The following WDR72 variants were observed in gnomAD, a reference collection of about 807,000 sequenced individuals.
WDR72 encodes WD repeat-containing protein 72.
In WDR72, 120 loss-of-function variants were observed where a neutral mutation model predicts 124.2. The ratio of observed to expected loss-of-function variants is 0.97; its 90% CI spans 0.83 to 1.12. The LOEUF (loss-of-function observed/expected upper bound fraction) is 1.12. Among genes scored for constraint, WDR72 ranks in the 50% most tolerant of loss-of-function variants. The pLI is 0.00. For missense variants in WDR72, 1,387 were observed against 1,278.8 expected, an observed-to-expected ratio of 1.08 and a Z score of -1.29; for synonymous variants, 452 against 441.7, an observed-to-expected ratio of 1.02 and a Z score of -0.29.
At chr15:53,672,193 G>T (rs778859891) in intron 13 of WDR72, among the ~76,000 whole-genome samples, 6 of 151,668 alleles carry the variant, frequency 4.0e-5, no homozygotes, top group African/African-American at 1.4e-4. Context: ...TTTCTATTAC[G>T]GTAAAGGCCA....
chr15:53,640,471 G>A (rs2014806226), intron 14 of WDR72, among the ~76,000 whole-genome samples: 1 of 152,052 alleles, frequency 6.6e-6, no homozygotes, highest in Admixed American at 6.6e-5. Flanking sequence ...CCTTACATAA[G>A]CCATTTCTCC....
chr15:53,717,128 A>C (rs922042840), intron 3 of WDR72, among the ~76,000 whole-genome samples: 2 of 152,190 alleles, frequency 1.3e-5, no homozygotes, highest in African/African-American at 4.8e-5. Flanking sequence ...AAGAGGCTAC[A>C]TTTGGTCTAT....
At position 53,545,446 on chromosome 15, in the gene WDR72, A is replaced by C. The variant is rs972492292; in HGVS notation, c.3149-22124T>G. Among the ~76,000 whole-genome samples the C allele has an allele frequency of 3.0e-3, 456 of 150,650 alleles. 2 individuals carry two copies. Among genetic ancestry groups the C allele is most frequent in the South Asian group, 0.014 (68 of 4,708 alleles). On this transcript the variant is annotated intron_variant, in intron 18 of 19. Transcript: ENST00000360509. ...CCTATTTAATAAACGGTGCTGGGAA[A>C]ACTGGCTAGCCATATGTAGAAAGCT... is the stretch of plus-strand genomic sequence containing the variant.
At chr15:53,598,740 T>C (rs16966270) in intron 17 of WDR72, among the ~76,000 whole-genome samples, 19,461 of 152,206 alleles carry the variant, frequency 0.13, 1,815 homozygotes, top group African/African-American at 0.26. Context: ...AATATCACTA[T>C]TGCATACCAT....
intron 18 of WDR72, among the ~76,000 whole-genome samples, chr15:53,571,842 GTGTGCAAGTGTTCCCTTT>G (rs1311993802): frequency 6.6e-6 from 1 of 151,268 alleles, no homozygotes; most frequent in Non-Finnish European, 1.5e-5. Context: ...CTCACCAACA[GTGTGCAAGTGTTCCCTTT>G]TGTCCACATC....
chr15:53,543,302 C>G (rs1023473544), intron 18 of WDR72, among the ~76,000 whole-genome samples: 1 of 151,398 alleles, frequency 6.6e-6, no homozygotes, highest in South Asian at 2.1e-4. Context: ...ATCTCTCAGA[C>G]CACAGTGCAA....
intron 14 of WDR72, among the ~76,000 whole-genome samples, chr15:53,649,621 G>A (rs976531441): frequency 2.6e-5 from 4 of 151,940 alleles, no homozygotes; most frequent in Non-Finnish European, 5.9e-5. Flanking sequence ...ACCAAGCCAA[G>A]GGTTTGAATA....
rs373219111 is a variant in WDR72, at chr15:53,715,371, C to T, written c.340-4G>A. On this transcript the variant is annotated splice_polypyrimidine_tract_variant and splice_region_variant and intron_variant, in intron 4 of 19. Transcript: ENST00000360509. ...TCCGGAATGAGCAGTGGTAATACTA[C>T]GTACATGGAAAGCAAAGCAAACATT... 2.7e-5 allele frequency: 43 copies of T among 1,613,862 alleles called. No homozygotes were observed. The highest frequency in any genetic ancestry group is 4.4e-5 in the South Asian group (4 of 91,078).
chr15:53,665,544 T>C, intron 14 of WDR72, 28 bp downstream of exon 14: 1 of 1,613,100 alleles, frequency 6.2e-7, no homozygotes, highest in Middle Eastern at 1.7e-4. Context: ...TAATGTTCTT[T>C]GTGAACAACA....
chr15:53,527,503 C>G (rs909504158), intron 18 of WDR72, among the ~76,000 whole-genome samples: 9 of 151,786 alleles, frequency 5.9e-5, no homozygotes, highest in Admixed American at 3.9e-4. Context: ...CAGATGGAGC[C>G]CATTGAAAAA....
intron 1 of WDR72, among the ~76,000 whole-genome samples, chr15:53,758,539 C>CA (rs1017258987): frequency 6.0e-5 from 9 of 150,040 alleles, no homozygotes; most frequent in African/African-American, 1.5e-4. Flanking sequence ...GTGATGTTTA[C>CA]AAAAAAAAAG....
intron 18 of WDR72, among the ~76,000 whole-genome samples, chr15:53,587,407 G>A (rs1247843413): frequency 2.6e-5 from 4 of 151,848 alleles, no homozygotes; most frequent in African/African-American, 9.7e-5. Context: ...ACAGATATAT[G>A]CATCAATAGC....
chr15:53,667,657 G>C (rs1030587508), intron 13 of WDR72, among the ~76,000 whole-genome samples: 1 of 152,068 alleles, frequency 6.6e-6, no homozygotes, highest in South Asian at 2.1e-4. Context: ...CTGTCTTTCT[G>C]AGAAGTCTCT....
chr15:53,704,202 T>C (rs183974757), intron 11 of WDR72, among the ~76,000 whole-genome samples: 145 of 152,340 alleles, frequency 9.5e-4, no homozygotes, highest in African/African-American at 3.4e-3. Flanking sequence ...AAAACCTACA[T>C]GCCAATTAAT....
Position 53,666,081 on chromosome 15 carries a change from A to G in WDR72, c.1766-313T>C, listed in dbSNP as rs2015770922. On this transcript the variant is annotated intron_variant, in intron 13 of 19. Coordinates refer to ENST00000360509, the MANE Select transcript of WDR72 (RefSeq NM_182758.4). ...TACAGTTGCAAGTGATCAATAACAC[A>G]TAACTATGGAATATTTTAGTGCTGT... Among the ~76,000 whole-genome samples the G allele has an allele frequency of 2.0e-5, 3 of 152,228 alleles. No homozygotes were observed. In the South Asian group the frequency reaches 6.2e-4, roughly 32 times the overall value.
At chr15:53,725,216 G>A (rs563874375) in intron 2 of WDR72, among the ~76,000 whole-genome samples, 5 of 152,066 alleles carry the variant, frequency 3.3e-5, no homozygotes, top group South Asian at 2.1e-4. Flanking sequence ...GCTCCATATC[G>A]TATGTCATAA....
intron 17 of WDR72, among the ~76,000 whole-genome samples, chr15:53,605,198 T>A (rs1025437514): frequency 2.0e-5 from 3 of 152,210 alleles, no homozygotes; most frequent in Non-Finnish European, 2.9e-5. Context: ...CTGACATGGA[T>A]GGAGTCGGCG....
At chr15:53,638,019 A>G (rs905473802) in intron 14 of WDR72, among the ~76,000 whole-genome samples, 2 of 152,168 alleles carry the variant, frequency 1.3e-5, no homozygotes, top group African/African-American at 2.4e-5. Flanking sequence ...TGAATGAAAA[A>G]TTTGTATTCC....
At chr15:53,696,940 GTC>G (rs2017021366) in intron 13 of WDR72, among the ~76,000 whole-genome samples, 1 of 152,218 alleles carries the variant, frequency 6.6e-6, no homozygotes, top group Admixed American at 6.5e-5. Flanking sequence ...ATGGGATTGT[GTC>G]TAAAGAAGTG....
Sources: allele counts gnomAD v4.1 joint callset (sites outside exome capture counted in the v4.1 genomes callset), GRCh38; gene constraint gnomAD v4.1.1; transcripts MANE v1.5; gene names NCBI Gene and HGNC (gene_info 2026-07-23, HGNC 2026-07-21).